Variants in KCNIP4 observed in about 807,000 individuals in gnomAD.
KCNIP4 encodes the protein Kv channel-interacting protein 4.
Under a neutral mutation model 34.0 loss-of-function variants are expected in KCNIP4, and 12 were observed. The observed-to-expected ratio is 0.35, with a 90% CI of 0.23 to 0.57. The LOEUF (loss-of-function observed/expected upper bound fraction) is 0.57, where lower values mean the gene tolerates loss of function less well. Ranked by LOEUF, KCNIP4 falls within the 20% of genes least tolerant of loss-of-function variation. The pLI is 0.83. For missense variants in KCNIP4, 238 were observed against 311.7 expected (o/e 0.76, Z 1.78); for synonymous variants, 124 against 102.2 (o/e 1.21, Z -1.29).
intron 1 of KCNIP4, among the ~76,000 whole-genome samples, chr4:21,169,669 T>C (rs978464721): frequency 2.4e-4 from 35 of 145,520 alleles, no homozygotes; most frequent in South Asian, 8.5e-4. Flanking sequence ...TTTGTGTGTG[T>C]GTGTGTGTGT....
At chr4:21,065,729 TATATATATATATA>T (rs1744304208) in intron 1 of KCNIP4, among the ~76,000 whole-genome samples, 5 of 34,832 alleles carry the variant, frequency 1.4e-4, no homozygotes, top group African/African-American at 4.0e-4. Flanking sequence ...CATTTGTCTA[TATATATATATATA>T]TATATATATA....
chr4:21,536,064 C>T (rs1209038328), intron 1 of KCNIP4, among the ~76,000 whole-genome samples: 1 of 152,110 alleles, frequency 6.6e-6, no homozygotes. Context: ...GAGACTCTCA[C>T]CCAAACAAAC....
intron 1 of KCNIP4, among the ~76,000 whole-genome samples, chr4:20,983,112 ACT>A (rs1736245717): frequency 6.6e-6 from 1 of 152,154 alleles, no homozygotes; most frequent in Non-Finnish European, 1.5e-5. Context: ...ACTTCTTAAA[ACT>A]CTCCAATCTT....
At chr4:21,552,463 C>T (rs775040285) in intron 1 of KCNIP4, among the ~76,000 whole-genome samples, 4 of 152,042 alleles carry the variant, frequency 2.6e-5, no homozygotes, top group African/African-American at 4.8e-5. Flanking sequence ...ATTTTAAGCA[C>T]CTAAAAAGTA....
At chr4:21,893,540 G>C (rs560014063) in intron 1 of KCNIP4, among the ~76,000 whole-genome samples, 1 of 152,176 alleles carries the variant, frequency 6.6e-6, no homozygotes, top group South Asian at 2.1e-4. Context: ...TATTCAAATT[G>C]CATCATTCAT....
chr4:20,967,582 A>T (rs1487444868), intron 1 of KCNIP4, among the ~76,000 whole-genome samples: 1 of 152,200 alleles, frequency 6.6e-6, no homozygotes, highest in Non-Finnish European at 1.5e-5. Flanking sequence ...CAAAACACAT[A>T]TATAGACCAA....
chr4:21,431,414 C>T (rs533246670), intron 1 of KCNIP4, among the ~76,000 whole-genome samples: 53 of 152,168 alleles, frequency 3.5e-4, no homozygotes, highest in Non-Finnish European at 6.8e-4. Context: ...ATAGTACCAA[C>T]CATAATTCTT....
At chr4:21,647,706 T>C (rs1027695215) in intron 1 of KCNIP4, among the ~76,000 whole-genome samples, 2 of 152,020 alleles carry the variant, frequency 1.3e-5, no homozygotes, top group Admixed American at 6.6e-5. Flanking sequence ...TCTGTGTCCA[T>C]ACACAAGACA....
intron 1 of KCNIP4, among the ~76,000 whole-genome samples, chr4:20,942,764 C>G (rs1029495665): frequency 1.3e-5 from 2 of 151,984 alleles, no homozygotes; most frequent in African/African-American, 4.8e-5. Context: ...CTCCGCCTCC[C>G]GGGTTCAAGC....
chr4:20,854,150 A>G (rs1721332114), intron 2 of KCNIP4, among the ~76,000 whole-genome samples: 1 of 152,228 alleles, frequency 6.6e-6, no homozygotes, highest in Admixed American at 6.5e-5. Context: ...GCATCCGCCC[A>G]AAGGAAAAGA....
chr4:21,330,002 C>T (rs968666991), intron 1 of KCNIP4, among the ~76,000 whole-genome samples: 2 of 152,020 alleles, frequency 1.3e-5, no homozygotes, highest in African/African-American at 2.4e-5. Flanking sequence ...CGTTCATTAC[C>T]GTAGGATAAT....
intron 1 of KCNIP4, among the ~76,000 whole-genome samples, chr4:21,029,248 A>C (rs533902205): frequency 6.6e-6 from 1 of 152,262 alleles, no homozygotes; most frequent in East Asian, 1.9e-4. Flanking sequence ...AAATCTACCC[A>C]AGGACACACA....
At chr4:21,418,571 A>G (rs1022486370) in intron 1 of KCNIP4, among the ~76,000 whole-genome samples, 9 of 152,216 alleles carry the variant, frequency 5.9e-5, no homozygotes, top group East Asian at 1.9e-4. Context: ...GTGCTTTTCC[A>G]TCTGTCCCTG....
In KCNIP4 at chr4:21,607,488, T is replaced by C. The variant is rs565740794; in HGVS notation, c.61+341083A>G. Among the ~76,000 whole-genome samples the C allele has an allele frequency of 2.6e-5, 4 of 152,054 alleles. No homozygotes were observed. In the South Asian group the frequency reaches 8.3e-4, roughly 32 times the overall value. On this transcript the variant is annotated intron_variant, in intron 1 of 8. Transcript: ENST00000382152. ...ACTTACAAGTGCTTCCTAACATGTC[T>C]ACACTCCAAATTCCCAAAGTGAATG... is the stretch of plus-strand genomic sequence containing the variant.
At chr4:21,904,804 T>C (rs1047403414) in intron 1 of KCNIP4, among the ~76,000 whole-genome samples, 8 of 152,182 alleles carry the variant, frequency 5.3e-5, no homozygotes, top group East Asian at 1.9e-4. Flanking sequence ...ATCCAATAGA[T>C]GGCCTAAGTA....
chr4:20,765,586 A>G (rs1004309608), intron 3 of KCNIP4, among the ~76,000 whole-genome samples: 2 of 152,210 alleles, frequency 1.3e-5, no homozygotes, highest in African/African-American at 4.8e-5. Context: ...ATGGCTAGAT[A>G]GTAATGGGCT....
At chr4:20,972,777 A>T (rs1735098871) in intron 1 of KCNIP4, among the ~76,000 whole-genome samples, 1 of 152,036 alleles carries the variant, frequency 6.6e-6, no homozygotes, top group Non-Finnish European at 1.5e-5. Flanking sequence ...ATAATTTTTA[A>T]GTCAGGCAAA....
chr4:21,287,515 C>A (rs1763193262), intron 1 of KCNIP4, among the ~76,000 whole-genome samples: 1 of 152,138 alleles, frequency 6.6e-6, no homozygotes, highest in Non-Finnish European at 1.5e-5. Flanking sequence ...ATTTAATTAT[C>A]ATAATAATCC....
At chr4:21,472,420 T>C (rs1730549096) in intron 1 of KCNIP4, among the ~76,000 whole-genome samples, 1 of 152,162 alleles carries the variant, frequency 6.6e-6, no homozygotes, top group East Asian at 1.9e-4. Flanking sequence ...AATTTCATTA[T>C]GTTAATTGGC....
Sources: allele counts gnomAD v4.1 joint callset (sites outside exome capture counted in the v4.1 genomes callset), GRCh38; gene constraint gnomAD v4.1.1; transcripts MANE v1.5; gene names NCBI Gene and HGNC (gene_info 2026-07-23, HGNC 2026-07-21).